RASA2: variants seen among roughly 807,000 people sequenced by gnomAD.
RASA2 encodes ras GTPase-activating protein 2.
A neutral mutation model predicts 118.2 loss-of-function variants in RASA2; 155 were observed. That is an observed-to-expected ratio of 1.31 (90% CI 1.15 to 1.50). The LOEUF (loss-of-function observed/expected upper bound fraction) is 1.50. Ranked by LOEUF, RASA2 falls within the 40% of genes most tolerant of loss-of-function variation. The pLI, the probability that RASA2 is intolerant of heterozygous loss-of-function variation, is 0.00. For synonymous variants in RASA2, 353 were observed against 349.1 expected (o/e 1.01, Z -0.12); for missense variants, 1,016 against 1,009.6 (o/e 1.01, Z -0.09).
chr3:141,560,724 C>G (rs995369749), intron 9 of RASA2, among the ~76,000 whole-genome samples: 3 of 152,052 alleles, frequency 2.0e-5, no homozygotes, highest in Non-Finnish European at 2.9e-5. Context: ...AGTATGTTGC[C>G]CAGCATCTCT....
At chr3:141,606,369 CAG>C (rs770580827) in intron 19 of RASA2, among the ~76,000 whole-genome samples, 32 of 152,288 alleles carry the variant, frequency 2.1e-4, no homozygotes, top group Non-Finnish European at 4.0e-4. Flanking sequence ...GTCATTTCCT[CAG>C]AAAGTTTTTT....
At chr3:141,501,799 A>C (rs2081785230) in intron 1 of RASA2, among the ~76,000 whole-genome samples, 1 of 152,186 alleles carries the variant, frequency 6.6e-6, no homozygotes, top group Non-Finnish European at 1.5e-5. Flanking sequence ...ACTCTAAACT[A>C]GTCAATACCA....
At chr3:141,552,143 G>A (rs7618787) in intron 5 of RASA2, among the ~76,000 whole-genome samples, 8,805 of 152,094 alleles carry the variant, frequency 0.058, 877 homozygotes, top group African/African-American at 0.2. Context: ...ATGGGCATCC[G>A]TGTTTTGGTT....
chr3:141,487,204 C>T lies in RASA2; in HGVS notation c.121C>T (p.Arg41Trp), dbSNP rs369569203. The change falls in exon 1 of 24, where the codon CGG (arginine) becomes TGG (tryptophan). Residue 41 changes from arginine to tryptophan, a missense_variant. Transcript: ENST00000286364. ...SREVRVLQSL[R>W]GKICEAKNLL... The stretch of plus-strand genomic sequence containing the variant: ...CGAGGTTCGAGTGTTGCAGAGCCTG[C>T]GGGGCAAGATCTGTAAGCGGGGGCT... The T allele has an allele frequency of 2.8e-6, 4 of 1,439,608 alleles. No homozygotes were observed. The highest frequency in any genetic ancestry group is 2.8e-6 in the Non-Finnish European group (3 of 1,084,572). 89.2% of individuals were successfully genotyped at this position (1,439,608 alleles called of 1,614,324 possible). A position where few individuals can be genotyped will look rare whatever the true frequency, so the allele number is the denominator to read the frequency against.
Position 141,572,654 on chromosome 3 carries a change from T to G in RASA2, c.1215T>G (p.Cys405Trp). ...GAGGAAATTCCCTGGCTACCCGATG[T>G]CTGGATGAGATGATGAAAATAGTGG... ...IFRGNSLATR[C>W]LDEMMKIVGG... The change falls in exon 12 of 24, where the codon TGT (cysteine) becomes TGG (tryptophan). Residue 405 changes from cysteine (C) to tryptophan (W), a missense_variant. Cys to Trp is a radical substitution (Grantham distance 215). Transcript: ENST00000286364. 6.2e-7 allele frequency: 1 copy of G among 1,613,726 alleles called. No individual in the cohort carries two copies. The highest frequency in any genetic ancestry group is 2.2e-5 in the East Asian group (1 of 44,792).
intron 1 of RASA2, among the ~76,000 whole-genome samples, chr3:141,497,893 A>C (rs568248702): frequency 9.9e-4 from 150 of 152,224 alleles, no homozygotes; most frequent in African/African-American, 3.5e-3. Flanking sequence ...AAAAGTAGAA[A>C]TAATACAGCA....
In RASA2 at chr3:141,577,108, T is replaced by C; in HGVS notation, c.1590+2T>C. ...TTTCATTTGCGACCTCATCATCCAGTAAGTGTTCATTCTTCTGAAAGCTTT... is the reference window on the plus strand; with the variant it reads ...TTTCATTTGCGACCTCATCATCCAGCAAGTGTTCATTCTTCTGAAAGCTTT... On this transcript the variant is annotated splice_donor_variant, in intron 15 of 23. Transcript: ENST00000286364. LOFTEE classifies it high-confidence loss of function. The C allele has an allele frequency of 6.4e-7, 1 of 1,563,704 alleles. No homozygotes were observed. The highest frequency in any genetic ancestry group is 8.8e-7 in the Non-Finnish European group (1 of 1,141,424).
Position 141,607,374 on chromosome 3 carries a change from C to T in RASA2, c.1934-304C>T, listed in dbSNP as rs185858241. Among the ~76,000 whole-genome samples, 673 of 151,966 alleles carry T rather than the reference C, an allele frequency of 4.4e-3. 8 individuals carry two copies. The highest frequency in any genetic ancestry group is 0.037 in the Middle Eastern group (11 of 294). ...TTTTGCTGAGTCTATTTTTTCAGTC[C>T]CCATATATAAAATTTTGTAACTTTC... On this transcript the variant is annotated intron_variant, in intron 19 of 23. Transcript: ENST00000286364.
At chr3:141,528,152 A>C (rs1315200178) in intron 3 of RASA2, among the ~76,000 whole-genome samples, 1 of 151,888 alleles carries the variant, frequency 6.6e-6, no homozygotes, top group Non-Finnish European at 1.5e-5. Flanking sequence ...TAATACAGTT[A>C]CCACTCGTAT....
intron 19 of RASA2, among the ~76,000 whole-genome samples, chr3:141,599,747 G>A (rs2083435054): frequency 7.2e-6 from 1 of 138,974 alleles, no homozygotes; most frequent in South Asian, 2.2e-4. Flanking sequence ...ACCATAGCCA[G>A]AGATGGCAAG....
chr3:141,527,567 C>G (rs889840347), intron 3 of RASA2, among the ~76,000 whole-genome samples: 1 of 151,904 alleles, frequency 6.6e-6, no homozygotes, highest in Non-Finnish European at 1.5e-5. Flanking sequence ...TTATTTATGT[C>G]TGGTGTGGAA....
intron 21 of RASA2, among the ~76,000 whole-genome samples, 191 bp from the exon 22 acceptor site, chr3:141,609,229 G>C (rs919584589): frequency 1.3e-5 from 2 of 152,126 alleles, no homozygotes; most frequent in Non-Finnish European, 2.9e-5. Flanking sequence ...CCCTCCTTCT[G>C]ATTAGAGTCA....
intron 19 of RASA2, among the ~76,000 whole-genome samples, chr3:141,597,454 A>G (rs1391638265): frequency 6.6e-6 from 1 of 152,182 alleles, no homozygotes; most frequent in Non-Finnish European, 1.5e-5. Context: ...GTTGGGAACC[A>G]GTCCCAAGTA....
chr3:141,604,953 TAAAA>T (rs981310739), intron 19 of RASA2, among the ~76,000 whole-genome samples: 1 of 150,454 alleles, frequency 6.6e-6, no homozygotes, highest in East Asian at 1.9e-4. Context: ...TGAACAGGAA[TAAAA>T]AAAAATGTCT....
chr3:141,505,530 CAG>C (rs1004597353), intron 1 of RASA2, among the ~76,000 whole-genome samples: 7 of 152,232 alleles, frequency 4.6e-5, no homozygotes, highest in African/African-American at 1.7e-4. Flanking sequence ...AATGAGAGAA[CAG>C]TGTGTTCAAG....
rs541188236 is a variant in RASA2, at chr3:141,530,322, T to C, written c.450+520T>C. On this transcript the variant is annotated intron_variant, in intron 4 of 23. Transcript: ENST00000286364. Reference sequence around the variant, plus strand: ...TATTTGAAAGAGTATCATTACTCTTTAATCTTTTTCTTTTTTCCAAAATAA... The same window carrying C: ...TATTTGAAAGAGTATCATTACTCTTCAATCTTTTTCTTTTTTCCAAAATAA... Among the ~76,000 whole-genome samples, 4 of 152,258 alleles carry C rather than the reference T, an allele frequency of 2.6e-5. No individual in the cohort carries two copies. In the East Asian group the frequency reaches 7.7e-4, roughly 29 times the overall value.
intron 19 of RASA2, among the ~76,000 whole-genome samples, chr3:141,597,572 C>T (rs919920506): frequency 2.0e-5 from 3 of 152,070 alleles, no homozygotes; most frequent in Admixed American, 1.3e-4. Context: ...ACAAACAAAC[C>T]TTCATTTGTA....
At chr3:141,590,941 C>G (rs1009182505) in intron 19 of RASA2, among the ~76,000 whole-genome samples, 5 of 152,194 alleles carry the variant, frequency 3.3e-5, no homozygotes, top group African/African-American at 1.2e-4. Context: ...AGCAACTAAT[C>G]AGTAGAGTTA....
chr3:141,554,589 T>G (rs2082620973), intron 6 of RASA2, among the ~76,000 whole-genome samples: 1 of 152,254 alleles, frequency 6.6e-6, no homozygotes, highest in African/African-American at 2.4e-5. Context: ...AACTTGAAGG[T>G]TTAGAATCAG....
Sources: gnomAD v4.1 joint callset for allele counts (sites outside exome capture counted in the v4.1 genomes callset) on GRCh38, gnomAD v4.1.1 for gene constraint, MANE v1.5 for transcripts, NCBI Gene and HGNC (gene_info 2026-07-23, HGNC 2026-07-21) for gene names.